Variants in IL1RAPL2 observed in about 807,000 individuals in gnomAD.
IL1RAPL2 encodes the protein interleukin 1 receptor accessory protein like 2, also known as X-linked interleukin-1 receptor accessory protein-like 2.
IL1RAPL2 carries 3 observed loss-of-function variants against 44.1 expected under a neutral mutation model. That is an observed-to-expected ratio of 0.07 (90% CI 0.03 to 0.18). The LOEUF is 0.18. Ranked by LOEUF, IL1RAPL2 falls within the 10% of genes least tolerant of loss-of-function variation. The probability of loss-of-function intolerance (pLI) is 1.00; values close to 1 mark genes in which losing one functional copy is unlikely to be tolerated. For synonymous variants in IL1RAPL2, 181 were observed against 178.8 expected (o/e 1.01, Z -0.10); for missense variants, 391 against 496.4 (o/e 0.79, Z 2.02).
At chrX:104,853,522 A>G (rs1277783009) in intron 2 of IL1RAPL2, among the ~76,000 whole-genome samples, 1 of 111,327 alleles carries the variant, frequency 9.0e-6, no homozygotes, top group Non-Finnish European at 1.9e-5. Context: ...TTACAGGATG[A>G]AAAACCTGAG....
At chrX:105,627,303 G>A (rs946729590) in intron 6 of IL1RAPL2, among the ~76,000 whole-genome samples, 20 of 110,761 alleles carry the variant, frequency 1.8e-4, no homozygotes, top group African/African-American at 5.9e-4. Flanking sequence ...CAGAAAAAGC[G>A]TTATCCATTT....
intron 5 of IL1RAPL2, among the ~76,000 whole-genome samples, chrX:105,326,616 C>T (rs967939906): frequency 9.0e-6 from 1 of 111,484 alleles, no homozygotes; most frequent in African/African-American, 3.3e-5. Context: ...TAGAATTAAT[C>T]TTTTTGCATT....
At chrX:104,990,970 A>T (rs1236865591) in intron 2 of IL1RAPL2, among the ~76,000 whole-genome samples, 1 of 111,326 alleles carries the variant, frequency 9.0e-6, no homozygotes, top group Non-Finnish European at 1.9e-5. Flanking sequence ...ACCCTAGTAA[A>T]GCTTGATGTA....
chrX:105,151,696 T>C (rs2147589536), intron 2 of IL1RAPL2, among the ~76,000 whole-genome samples: 1 of 110,075 alleles, frequency 9.1e-6, no homozygotes, highest in Admixed American at 9.8e-5. Flanking sequence ...ACCTATGTTG[T>C]TTCAACATAG....
chrX:105,080,644 G>A lies in IL1RAPL2; in HGVS notation c.83-114831G>A, dbSNP rs765379275. ...AGCCTTGTAGTATAGTTTGAAGTCA[G>A]GTAGTGTGATGCCTCAAGCTTTGTT... On this transcript the variant is annotated intron_variant, in intron 2 of 10. Transcript: ENST00000372582. Among the ~76,000 whole-genome samples, 4 of 111,890 alleles carry A rather than the reference G, an allele frequency of 3.6e-5. No homozygotes were observed. The South Asian group carries it at 1.5e-3, about 42-fold the overall frequency.
intron 2 of IL1RAPL2, 96 bp downstream of exon 2, chrX:104,659,091 A>G: frequency 1.9e-6 from 1 of 537,297 alleles, no homozygotes; most frequent in South Asian, 3.0e-5. Context: ...ATGTCTTTAA[A>G]TAGAAGCACT....
chrX:104,794,948 A>G (rs1033168417), intron 2 of IL1RAPL2, among the ~76,000 whole-genome samples: 16 of 111,869 alleles, frequency 1.4e-4, no homozygotes, highest in Non-Finnish European at 2.8e-4. Context: ...ATTAATTATT[A>G]GGCTTTGCTG....
At chrX:105,464,008 C>CA (rs1264656494) in intron 5 of IL1RAPL2, among the ~76,000 whole-genome samples, 1 of 112,259 alleles carries the variant, frequency 8.9e-6, no homozygotes, top group African/African-American at 3.2e-5. Context: ...GCAGAGACTT[C>CA]AAAATCTTCT....
intron 1 of IL1RAPL2, among the ~76,000 whole-genome samples, chrX:104,654,765 G>C (rs1372467868): frequency 9.0e-6 from 1 of 111,299 alleles, no homozygotes; most frequent in Non-Finnish European, 1.9e-5. Context: ...ACCTTGGGCA[G>C]TATGGCCATT....
At chrX:105,207,914 T>A (rs1375492607) in intron 3 of IL1RAPL2, among the ~76,000 whole-genome samples, 3 of 112,205 alleles carry the variant, frequency 2.7e-5, no homozygotes, top group Admixed American at 9.5e-5. Context: ...AAGTGATACG[T>A]GCTATAGGAA....
At chrX:104,648,072 C>A in intron 1 of IL1RAPL2, 1 of 463,135 alleles carries the variant, frequency 2.2e-6, no homozygotes, top group South Asian at 2.8e-5. Flanking sequence ...GCCACACATC[C>A]AAACCTCTTC....
At chrX:105,131,646 A>G (rs2033027887) in intron 2 of IL1RAPL2, among the ~76,000 whole-genome samples, 1 of 110,637 alleles carries the variant, frequency 9.0e-6, no homozygotes, top group Non-Finnish European at 1.9e-5. Context: ...CCAAACGCTA[A>G]TATAATTTAT....
At chrX:104,802,456 C>A (rs1932891974) in intron 2 of IL1RAPL2, among the ~76,000 whole-genome samples, 1 of 110,001 alleles carries the variant, frequency 9.1e-6, no homozygotes, top group Admixed American at 9.7e-5. Context: ...GATTTGTACG[C>A]TTTTTTTGTA....
At chrX:104,766,371 C>CTGCT (rs1336176317) in intron 2 of IL1RAPL2, among the ~76,000 whole-genome samples, 20 of 25,377 alleles carry the variant, frequency 7.9e-4, no homozygotes, top group African/African-American at 2.2e-3. Flanking sequence ...CCTGGCTGGC[C>CTGCT]TGCCTGCCTG....
chrX:104,935,399 T>G (rs1925003087), intron 2 of IL1RAPL2, among the ~76,000 whole-genome samples: 1 of 112,088 alleles, frequency 8.9e-6, no homozygotes, highest in African/African-American at 3.2e-5. Flanking sequence ...TCATTAAGAC[T>G]TGGAAAATCC....
intron 6 of IL1RAPL2, among the ~76,000 whole-genome samples, chrX:105,498,351 T>C (rs746671486): frequency 9.0e-6 from 1 of 111,533 alleles, no homozygotes; most frequent in African/African-American, 3.2e-5. Context: ...AGGTGAACGA[T>C]CTGTATAATA....
intron 2 of IL1RAPL2, among the ~76,000 whole-genome samples, chrX:104,675,738 C>A (rs992800860): frequency 9.1e-6 from 1 of 110,243 alleles, no homozygotes; most frequent in Non-Finnish European, 1.9e-5. Flanking sequence ...GAGTCTAAGT[C>A]TCTTTGTAGG....
intron 2 of IL1RAPL2, among the ~76,000 whole-genome samples, chrX:104,706,491 C>G (rs752006369): frequency 8.9e-6 from 1 of 111,835 alleles, no homozygotes; most frequent in South Asian, 3.7e-4. Context: ...GGTACCACAG[C>G]TCTTTTCACA....
At chrX:105,560,113 GCACCA>G (rs1384868414) in intron 6 of IL1RAPL2, among the ~76,000 whole-genome samples, 3 of 111,212 alleles carry the variant, frequency 2.7e-5, no homozygotes, top group South Asian at 7.6e-4. Context: ...CTCTACCAAT[GCACCA>G]TAGCCATCCC....
Sources: allele counts gnomAD v4.1 joint callset (sites outside exome capture counted in the v4.1 genomes callset), GRCh38; gene constraint gnomAD v4.1.1; transcripts MANE v1.5; gene names NCBI Gene and HGNC (gene_info 2026-07-23, HGNC 2026-07-21).